The following TEP1 variants were observed in gnomAD, a reference collection of about 807,000 sequenced individuals.
The protein encoded by TEP1 is telomerase protein component 1.
Under a neutral mutation model 306.3 loss-of-function variants are expected in TEP1, and 241 were observed. The observed-to-expected ratio is 0.79, with a 90% confidence interval of 0.71 to 0.88. TEP1 has a LOEUF of 0.88. TEP1 is among the 40% of genes least tolerant of loss of function. The probability of loss-of-function intolerance (pLI) is 0.00; values close to 1 mark genes in which losing one functional copy is unlikely to be tolerated. For synonymous variants in TEP1, 1,289 were observed against 1,305.5 expected (o/e 0.99, Z 0.27); for missense variants, 3,051 against 3,276.1 (o/e 0.93, Z 1.68).
Position 20,373,196 on chromosome 14 carries a change from T to A in TEP1, c.6815-49A>T, listed in dbSNP as rs756961191. Reference sequence around the variant, plus strand: ...ATTAGGAGCTGGGATACTGCTGGGATAAGAGATATCAGGCCACCCTTGACC... The same window carrying A: ...ATTAGGAGCTGGGATACTGCTGGGAAAAGAGATATCAGGCCACCCTTGACC... On this transcript the variant is annotated intron_variant, in intron 47 of 54. Coordinates refer to ENST00000262715, the MANE Select transcript of TEP1 (RefSeq NM_007110.5). The A allele has an allele frequency of 2.1e-5, 34 of 1,613,104 alleles. No individual in the cohort carries two copies. The Admixed American group carries it at 2.7e-4, about 13-fold the overall frequency.
intron 25 of TEP1, 36 bp downstream of exon 25, chr14:20,383,707 G>C (rs200198156): frequency 1.9e-6 from 3 of 1,607,810 alleles, no homozygotes; most frequent in East Asian, 4.5e-5. Context: ...TGGTACGTGG[G>C]CATCAACAAG....
At chr14:20,371,138 C>T in intron 51 of TEP1, 80 bp downstream of exon 51, 2 of 1,217,644 alleles carry the variant, frequency 1.6e-6, no homozygotes, top group Middle Eastern at 1.9e-4. Flanking sequence ...CCTTCCCTAT[C>T]CTCCATGACG....
chr14:20,384,107 C>T lies in TEP1; in HGVS notation c.3465G>A (p.Arg1155=), dbSNP rs1341762535. ...TCAGCCTTCCGTGGGGCAGCATCAG[C>T]CGTTGCACTGTGTCCTGAAGAAGGC... ...RPRLLQDTVQ[R]LMLPHGRLSL... The change falls in exon 24 of 55, where the codon CGG becomes CGA. Residue 1155 remains arginine, a synonymous_variant. Coordinates refer to ENST00000262715, the MANE Select transcript of TEP1 (RefSeq NM_007110.5). 3.7e-6 allele frequency: 6 copies of T among 1,614,084 alleles called. No homozygotes were observed. The highest frequency in any genetic ancestry group is 2.2e-5 in the East Asian group (1 of 44,884).
At chr14:20,379,633 T>C (rs991190449) in intron 35 of TEP1, among the ~76,000 whole-genome samples, 4 of 152,234 alleles carry the variant, frequency 2.6e-5, no homozygotes, top group Non-Finnish European at 5.9e-5. Context: ...TATGTTTTGG[T>C]TCCTTTTTTA....
At position 20,404,709 on chromosome 14, in the gene TEP1, C is replaced by G; in HGVS notation, c.934G>C (p.Ala312Pro). 1 of 1,614,142 alleles carries G rather than the reference C, an allele frequency of 6.2e-7. No homozygotes were observed. The highest frequency in any genetic ancestry group is 8.5e-7 in the Non-Finnish European group (1 of 1,179,998). ...RNVANNILAI[A>P]AFLPACRPHL... Reference sequence around the variant, plus strand: ...GGGCGACACGCCGGCAAGAAAGCAGCAATGGCCAAGATGTTATTGGCCACA... The same window carrying G: ...GGGCGACACGCCGGCAAGAAAGCAGGAATGGCCAAGATGTTATTGGCCACA... The change falls in exon 5 of 55, where the codon GCT becomes CCT. Residue 312 changes from alanine (A) to proline (P), a missense_variant. Around this residue, in one of 3 missense-constraint regions of TEP1, gnomAD observed 1,507 missense variants for 1,550.5 expected, o/e 0.97. Transcript: ENST00000262715.
intron 49 of TEP1, among the ~76,000 whole-genome samples, chr14:20,372,374 G>C (rs1249277313): frequency 1.2e-5 from 1 of 85,656 alleles, no homozygotes; most frequent in Non-Finnish European, 2.6e-5. Context: ...GTGTGTGTGT[G>C]TGTGTATGTG....
chr14:20,387,030 G>T (rs536309882), intron 18 of TEP1, among the ~76,000 whole-genome samples: 1 of 151,338 alleles, frequency 6.6e-6, no homozygotes, highest in South Asian at 2.1e-4. Context: ...TGCCTCCAGG[G>T]TTCAAGCAAT....
chr14:20,371,268 A>C lies in TEP1; in HGVS notation c.7267T>G (p.Tyr2423Asp). 1 of 1,614,022 alleles carries C rather than the reference A, an allele frequency of 6.2e-7. No homozygotes were observed. The highest frequency in any genetic ancestry group is 8.5e-7 in the Non-Finnish European group (1 of 1,180,008). ...TTGGGCTGCAGGACAAATATGCCAT[A>C]CTCCTTGTGGGTGGACAATATCATA... ...NPMILSTHKE[Y>D]GIFVLQPKDP... Residue 2423 changes from tyrosine (Y) to aspartate (D), a missense_variant, in exon 51 of 55, where the codon TAT (tyrosine) becomes GAT (aspartate). By Grantham distance (160) the Tyr-to-Asp change is radical. Around this residue, in one of 3 missense-constraint regions of TEP1, gnomAD observed 1,540 missense variants for 1,705.9 expected, o/e 0.90. Coordinates refer to ENST00000262715, the MANE Select transcript of TEP1 (RefSeq NM_007110.5).
Position 20,378,768 on chromosome 14 carries a change from C to G in TEP1, c.5338G>C (p.Gly1780Arg), listed in dbSNP as rs35517499. Residue 1780 changes from glycine to arginine, a missense_variant, in exon 37 of 55, where the codon GGA (glycine) becomes CGA (arginine). Around this residue, in one of 3 missense-constraint regions of TEP1, gnomAD observed 1,540 missense variants for 1,705.9 expected, o/e 0.90. Transcript: ENST00000262715. ...DCRLLATVCL[G>R]GCLKLWDTVR... ...CCAAGTCTTACCTTTAGGCATCCTC[C>G]CAAGCACACGGTGGCTAGCAGCCGG... 4,265 of 1,614,188 alleles carry G rather than the reference C, an allele frequency of 2.6e-3. 98 individuals carry two copies. The African/African-American group carries it at 0.049, about 19-fold the overall frequency.
At chr14:20,391,798 C>T (rs1877749945) in intron 12 of TEP1, 31 bp from the exon 13 acceptor site, 6 of 1,608,638 alleles carry the variant, frequency 3.7e-6, no homozygotes, top group Non-Finnish European at 5.1e-6. Context: ...GACACAGGGG[C>T]TCAGGGACTT....
rs983186121 is a variant in TEP1, at chr14:20,379,956, A to G, written c.5101T>C (p.Tyr1701His). The G allele has an allele frequency of 4.3e-6, 7 of 1,613,728 alleles. No homozygotes were observed. The highest frequency in any genetic ancestry group is 5.1e-6 in the Non-Finnish European group (6 of 1,179,944). The change falls in exon 35 of 55, where the codon TAC becomes CAC. Residue 1701 changes from tyrosine (Y) to histidine (H), a missense_variant. By Grantham distance (83) the Tyr-to-His change is moderately conservative. This residue lies in a region of TEP1 where 1,540 missense variants were observed against 1,705.9 expected (regional missense o/e 0.90). Transcript: ENST00000262715. Reference sequence around the variant, plus strand: ...TGCCAAGTTCTCAGGTCCAACAGGTAAACTGTCCCATTGGCAGTGCCCACA... The same window carrying G: ...TGCCAAGTTCTCAGGTCCAACAGGTGAACTGTCCCATTGGCAGTGCCCACA... Reference protein sequence around the residue: ...AAVGTANGTVYLLDLRTWQEE... With the variant: ...AAVGTANGTVHLLDLRTWQEE...
At chr14:20,371,444 T>C in intron 50 of TEP1, 45 bp downstream of exon 50, 1 of 1,608,000 alleles carries the variant, frequency 6.2e-7, no homozygotes, top group Non-Finnish European at 8.5e-7. Context: ...TAACTCAGGT[T>C]TCCTTTTTCC....
At chr14:20,385,170 CT>C in intron 20 of TEP1, 61 bp from the exon 21 acceptor site, 2 of 1,599,100 alleles carry the variant, frequency 1.3e-6, no homozygotes, top group Non-Finnish European at 1.7e-6. Context: ...CCCTCCAGAC[CT>C]GCCAAGGCCC....
chr14:20,390,761 G>A lies in TEP1; in HGVS notation c.2257-3C>T, dbSNP rs377746806. ...CATCCATCATTTTCATCAAACTCCT[G>A]AAGGAAAGAGACTTCATGTTATGTG... is the stretch of plus-strand genomic sequence containing the variant. On this transcript the variant is annotated splice_region_variant and splice_polypyrimidine_tract_variant and intron_variant, in intron 14 of 54. Transcript: ENST00000262715. 3 of 1,614,056 alleles carry A rather than the reference G, an allele frequency of 1.9e-6. No individual in the cohort carries two copies. In the African/African-American group the frequency reaches 4.0e-5, roughly 22 times the overall value.
chr14:20,395,651 C>G, intron 11 of TEP1, 24 bp from the exon 12 acceptor site: 1 of 1,582,480 alleles, frequency 6.3e-7, no homozygotes, highest in Middle Eastern at 1.7e-4. Flanking sequence ...GGTAAATTTC[C>G]GAGTTAGGCA....
Position 20,368,423 on chromosome 14 carries a change from C to T in TEP1, c.*14G>A, listed in dbSNP as rs8011749. On this transcript the variant is annotated 3_prime_UTR_variant, in exon 55 of 55. Coordinates refer to ENST00000262715, the MANE Select transcript of TEP1 (RefSeq NM_007110.5). ...CTAGCACAAGGGGTATCATTATTCC[C>T]GAGTGGCACATCTTCATTCCCAATT... The T allele has an allele frequency of 2.1e-3, 3,389 of 1,613,420 alleles. 71 individuals are homozygous for T. The African/African-American group carries it at 0.039, about 19-fold the overall frequency.
chr14:20,368,726 T>C (rs1884622444), intron 54 of TEP1, 72 bp downstream of exon 54: 3 of 1,544,996 alleles, frequency 1.9e-6, no homozygotes, highest in Non-Finnish European at 2.7e-6. Flanking sequence ...AAGTTTGCTG[T>C]CTTGTGACAT....
In TEP1 at chr14:20,382,615, G is replaced by A. The variant is rs1876678734; in HGVS notation, c.4140+8C>T. ...GTGATTAGGACTTGGAAGGTGATGA[G>A]AACTGACCTGCTCATACAGCGTGAA... On this transcript the variant is annotated splice_region_variant and intron_variant, in intron 28 of 54. Transcript: ENST00000262715. 6.2e-7 allele frequency: 1 copy of A among 1,613,898 alleles called. No homozygotes were observed. The highest frequency in any genetic ancestry group is 1.1e-5 in the South Asian group (1 of 91,082).
In TEP1 at chr14:20,381,939, A is replaced by C. The variant is rs766573990; in HGVS notation, c.4398T>G (p.Phe1466Leu). 3 of 1,614,004 alleles carry C rather than the reference A, an allele frequency of 1.9e-6. No homozygotes were observed. In the East Asian group the frequency reaches 6.7e-5, roughly 36 times the overall value. The change falls in exon 30 of 55, where the codon TTT becomes TTG. Residue 1466 changes from phenylalanine to leucine, a missense_variant. By Grantham distance (22) the Phe-to-Leu change is conservative. Around this residue, in one of 3 missense-constraint regions of TEP1, gnomAD observed 1,540 missense variants for 1,705.9 expected, o/e 0.90. Transcript: ENST00000262715. The surrounding 1 kb of genome is among the most constrained non-coding windows in gnomAD (Gnocchi z 4.0). ...TGCGCAGACTCTGGACGAGGCAGGC[A>C]AACGGGCCCATGGGGTAGGGGTCTC... The part of the protein sequence containing the change: ...NSGDPYPMGP[F>L]ACLVQSLRSL...
Sources: gnomAD v4.1 joint callset for allele counts (sites outside exome capture counted in the v4.1 genomes callset) on GRCh38, gnomAD v4.1.1 for gene constraint, gnomAD v4.1.1 regional missense constraint, Gnocchi (gnomAD v3.1) non-coding constraint, MANE v1.5 for transcripts, NCBI Gene and HGNC (gene_info 2026-07-23, HGNC 2026-07-21) for gene names.